The following CHRM3 variants were observed in gnomAD, a reference collection of about 807,000 sequenced individuals.
The protein encoded by CHRM3 is cholinergic receptor muscarinic 3, also known as muscarinic acetylcholine receptor M3.
In CHRM3, 11 loss-of-function variants were observed where a neutral mutation model predicts 41.8. The observed-to-expected ratio is 0.26, with a 90% CI of 0.17 to 0.44. CHRM3 has a LOEUF of 0.44. Ranked by LOEUF, CHRM3 falls within the 20% of genes least tolerant of loss-of-function variation. The probability of loss-of-function intolerance (pLI) is 1.00; values close to 1 mark genes in which losing one functional copy is unlikely to be tolerated. For missense variants in CHRM3, 571 were observed against 745.4 expected (o/e 0.77, Z 2.72); for synonymous variants, 297 against 301.4 (o/e 0.99, Z 0.15).
intron 1 of CHRM3, among the ~76,000 whole-genome samples, chr1:239,408,507 G>C (rs1660799646): frequency 7.7e-6 from 1 of 129,414 alleles, no homozygotes; most frequent in Non-Finnish European, 1.6e-5. Context: ...CTGGGCAACA[G>C]AGAGAGACTC....
chr1:239,751,948 G>A (rs1044964509), intron 5 of CHRM3, among the ~76,000 whole-genome samples: 2 of 152,130 alleles, frequency 1.3e-5, no homozygotes, highest in African/African-American at 4.8e-5. Context: ...GAGCTCATCA[G>A]GACTACATAC....
At chr1:239,681,629 C>G (rs1658574890) in intron 5 of CHRM3, among the ~76,000 whole-genome samples, 1 of 152,176 alleles carries the variant, frequency 6.6e-6, no homozygotes, top group Non-Finnish European at 1.5e-5. Flanking sequence ...TACAGTGGCT[C>G]ATGCCTGTAA....
intron 5 of CHRM3, among the ~76,000 whole-genome samples, chr1:239,749,980 A>T (rs1017499519): frequency 6.6e-6 from 1 of 152,234 alleles, no homozygotes; most frequent in East Asian, 1.9e-4. Context: ...AAAAAGCCTC[A>T]TGGCTGTTGT....
At chr1:239,669,491 A>C (rs1226820455) in intron 4 of CHRM3, among the ~76,000 whole-genome samples, 1 of 152,166 alleles carries the variant, frequency 6.6e-6, no homozygotes, top group Non-Finnish European at 1.5e-5. Context: ...ACTAAATATC[A>C]TTATTGTTTA....
intron 3 of CHRM3, among the ~76,000 whole-genome samples, chr1:239,569,150 A>T (rs183017705): frequency 1.1e-3 from 171 of 152,328 alleles, no homozygotes; most frequent in Non-Finnish European, 1.8e-3. Flanking sequence ...ACATGTAAAT[A>T]TAATATTCCT....
chr1:239,759,157 G>GTTTTTTTTTTTTTTTTT (rs1190071839), intron 5 of CHRM3, among the ~76,000 whole-genome samples: 2 of 121,638 alleles, frequency 1.6e-5, no homozygotes, highest in African/African-American at 6.6e-5. Context: ...AGCTTTATGG[G>GTTTTTTTTTTTTTTTTT]TTTTTTTTTT....
intron 5 of CHRM3, among the ~76,000 whole-genome samples, chr1:239,793,436 A>G (rs200987325): frequency 6.6e-6 from 1 of 152,354 alleles, no homozygotes; most frequent in East Asian, 1.9e-4. Flanking sequence ...CTTCTAGAAA[A>G]GAGTGAGAGG....
intron 1 of CHRM3, among the ~76,000 whole-genome samples, chr1:239,404,460 AAG>A (rs1165452646): frequency 7.3e-6 from 1 of 137,386 alleles, no homozygotes; most frequent in Non-Finnish European, 1.6e-5. Flanking sequence ...GAAAGAAAGA[AAG>A]AAAGAAAAAG....
chr1:239,910,686 G>T lies in CHRM3; in HGVS notation c.*1462G>T, dbSNP rs975808805. On this transcript the variant is annotated 3_prime_UTR_variant, in exon 7 of 7. Coordinates refer to ENST00000676153, the MANE Select transcript of CHRM3 (RefSeq NM_001375978.1). ...GGGTGCTGCCATCATTGTCGTTGTT[G>T]TTGCTGCTGTAGCTGTTGGGGTTTC... is the stretch of plus-strand genomic sequence containing the variant. The T allele has an allele frequency of 4.9e-5, 8 of 164,596 alleles. No individual in the cohort carries two copies. The highest frequency in any genetic ancestry group is 3.3e-4 in the Admixed American group (5 of 14,974). The allele number at this position is 164,596 out of a possible 1,614,324, so 10.2% of individuals were successfully genotyped here.
intron 6 of CHRM3, among the ~76,000 whole-genome samples, chr1:239,850,937 T>G (rs187523207): frequency 6.6e-6 from 1 of 152,264 alleles, no homozygotes. Context: ...TGAGGAAAAC[T>G]AATACAAGTA....
At chr1:239,550,047 A>T (rs1659666840) in intron 3 of CHRM3, among the ~76,000 whole-genome samples, 1 of 151,800 alleles carries the variant, frequency 6.6e-6, no homozygotes, top group South Asian at 2.1e-4. Flanking sequence ...TGAGCTGTGA[A>T]TTTCCCAGAG....
intron 1 of CHRM3, among the ~76,000 whole-genome samples, chr1:239,475,069 A>G (rs926674108): frequency 3.3e-4 from 50 of 152,186 alleles, no homozygotes; most frequent in African/African-American, 1.2e-3. Context: ...CCAGACATAT[A>G]TATACAATTA....
At chr1:239,429,748 T>C (rs1054810295) in intron 1 of CHRM3, among the ~76,000 whole-genome samples, 4 of 151,954 alleles carry the variant, frequency 2.6e-5, no homozygotes, top group African/African-American at 7.2e-5. Context: ...TTTTCTCCCT[T>C]CTGTTAGTAT....
intron 6 of CHRM3, among the ~76,000 whole-genome samples, chr1:239,902,482 G>A (rs959407533): frequency 2.7e-4 from 41 of 152,228 alleles, no homozygotes; most frequent in African/African-American, 9.6e-4. Flanking sequence ...TAATGACGAT[G>A]AGAACATCAT....
chr1:239,737,197 A>G (rs920150096), intron 5 of CHRM3, among the ~76,000 whole-genome samples: 5 of 152,198 alleles, frequency 3.3e-5, no homozygotes, highest in African/African-American at 1.2e-4. Flanking sequence ...CATATTTATT[A>G]GAAGAATTTT....
chr1:239,569,936 T>C (rs191348942), intron 3 of CHRM3, among the ~76,000 whole-genome samples: 1 of 152,320 alleles, frequency 6.6e-6, no homozygotes, highest in East Asian at 1.9e-4. Flanking sequence ...AACTGAATTC[T>C]GAAGATGATT....
chr1:239,511,334 T>C (rs1668907268), intron 2 of CHRM3, among the ~76,000 whole-genome samples: 1 of 152,222 alleles, frequency 6.6e-6, no homozygotes, highest in Non-Finnish European at 1.5e-5. Context: ...CTTGTAGTTG[T>C]CATCTTGTAG....
intron 6 of CHRM3, among the ~76,000 whole-genome samples, chr1:239,906,023 A>T (rs1451352739): frequency 1.3e-5 from 2 of 152,262 alleles, no homozygotes; most frequent in Non-Finnish European, 1.5e-5. Flanking sequence ...TCTGTTATAC[A>T]GAAAATTATC....
intron 5 of CHRM3, among the ~76,000 whole-genome samples, chr1:239,777,594 G>A (rs976858660): frequency 5.3e-5 from 8 of 152,206 alleles, no homozygotes; most frequent in Admixed American, 4.6e-4. Flanking sequence ...TTCTATTTAA[G>A]GAATTTGAGG....
Sources: allele counts gnomAD v4.1 joint callset (sites outside exome capture counted in the v4.1 genomes callset), GRCh38; gene constraint gnomAD v4.1.1; transcripts MANE v1.5; gene names NCBI Gene and HGNC (gene_info 2026-07-23, HGNC 2026-07-21).